Variants in COL11A2 observed in about 807,000 individuals in gnomAD.
The protein encoded by COL11A2 is collagen type XI alpha 2 chain, also known as collagen alpha-2(XI) chain.
Under a neutral mutation model 273.4 loss-of-function variants are expected in COL11A2, and 116 were observed. The ratio of observed to expected loss-of-function variants is 0.42; its 90% CI spans 0.36 to 0.49. The LOEUF (loss-of-function observed/expected upper bound fraction) is 0.49. COL11A2 is among the 20% of genes least tolerant of loss of function. The pLI, the probability that COL11A2 is intolerant of heterozygous loss-of-function variation, is 0.00. For missense variants in COL11A2, 1,866 were observed against 2,309.0 expected, an observed-to-expected ratio of 0.81 and a Z score of 3.93; for synonymous variants, 782 against 864.2, an observed-to-expected ratio of 0.90 and a Z score of 1.67.
In COL11A2 at chr6:33,189,241, A is replaced by G. The variant is rs1772801804; in HGVS notation, c.233-53T>C. On this transcript the variant is annotated intron_variant, in intron 2 of 65. Transcript: ENST00000341947. The surrounding 1 kb of genome is among the most constrained non-coding windows in gnomAD (Gnocchi z 5.6). ...GTGAGAGGCAAAGGGAGCCGCCACAACCCCTTTCCTCCTGGTGTCTGATCC... is the reference window on the plus strand; with the variant it reads ...GTGAGAGGCAAAGGGAGCCGCCACAGCCCCTTTCCTCCTGGTGTCTGATCC... 1 of 1,612,306 alleles carries G rather than the reference A, an allele frequency of 6.2e-7. No individual in the cohort carries two copies. The highest frequency in any genetic ancestry group is 1.1e-5 in the South Asian group (1 of 90,960).
In COL11A2 at chr6:33,173,375, C is replaced by T. The variant is rs779878105; in HGVS notation, c.2709G>A (p.Pro903=). 151 of 1,612,764 alleles carry T rather than the reference C, an allele frequency of 9.4e-5. No homozygotes were observed. The highest frequency in any genetic ancestry group is 1.6e-4 in the Middle Eastern group (1 of 6,084). ...PPGPPGKDGL[P]GHPGQRGEVG... The stretch of plus-strand genomic sequence containing the variant: ...CTTCTCCTCTTTGGCCTGGGTGTCC[C>T]GGCAGCCCATCCTTCCCAGGGGGGC... Residue 903 remains proline (P), a synonymous_variant, in exon 37 of 66, where the codon CCG becomes CCA. Transcript: ENST00000341947. The surrounding 1 kb of genome is among the most constrained non-coding windows in gnomAD (Gnocchi z 6.3).
chr6:33,171,159 AG>A lies in COL11A2; in HGVS notation c.3320del (p.Pro1107LeufsTer238). 1 of 1,604,806 alleles carries A rather than the reference AG, an allele frequency of 6.2e-7. No individual in the cohort carries two copies. Among genetic ancestry groups the A allele is most frequent in the Non-Finnish European group, 8.5e-7 (1 of 1,174,948 alleles). ...CAGGACCAATGGGTCCAGGGGGTCCAGGAGGGCCCTGGGTAAGAGAAGAGAG... is the reference window on the plus strand; with the variant it reads ...CAGGACCAATGGGTCCAGGGGGTCCAGAGGGCCCTGGGTAAGAGAAGAGAG... ...TKGNKGEHGP[P>X]GPPGPIGPVG... On this transcript the variant is annotated frameshift_variant, in exon 45 of 66. Transcript: ENST00000341947. LOFTEE classifies it high-confidence loss of function.
chr6:33,180,050 G>T (rs1393214245), intron 12 of COL11A2, among the ~76,000 whole-genome samples: 1 of 152,148 alleles, frequency 6.6e-6, no homozygotes, highest in Non-Finnish European at 1.5e-5. Context: ...AGGCTGTTCT[G>T]CCCAGTCCTA....
Position 33,165,828 on chromosome 6 carries a change from G to A in COL11A2, c.4483-12C>T. On this transcript the variant is annotated splice_polypyrimidine_tract_variant and intron_variant, in intron 62 of 65. Coordinates refer to ENST00000341947, the MANE Select transcript of COL11A2 (RefSeq NM_080680.3). This position sits in a 1 kb window ranked among gnomAD's most constrained non-coding sequence, Gnocchi z 7.7. ...TCGCCTGGGGGACCCTGGGTGCAGGGACAGATGGAGAGGGCAAGAGACAAG... is the reference window on the plus strand; with the variant it reads ...TCGCCTGGGGGACCCTGGGTGCAGGAACAGATGGAGAGGGCAAGAGACAAG... The A allele has an allele frequency of 6.2e-7, 1 of 1,613,618 alleles. No homozygotes were observed.
In COL11A2 at chr6:33,174,538, G is replaced by C; in HGVS notation, c.2419C>G (p.Gln807Glu). Residue 807 changes from glutamine (Q) to glutamate (E), a missense_variant, in exon 31 of 66, where the codon CAG becomes GAG. Gln to Glu is a conservative substitution (Grantham distance 29). Coordinates refer to ENST00000341947, the MANE Select transcript of COL11A2 (RefSeq NM_080680.3). ...VPGLPGYPGR[Q>E]GPKGSLGFPG... is the part of the protein sequence containing the mutation. ...GGGCATGGCATCACCTTGGGTCCCTGACGTCCAGGATAGCCAGGCAGACCA... is the reference window on the plus strand; with the variant it reads ...GGGCATGGCATCACCTTGGGTCCCTCACGTCCAGGATAGCCAGGCAGACCA... 6.2e-7 allele frequency: 1 copy of C among 1,612,680 alleles called. No individual in the cohort carries two copies. The highest frequency in any genetic ancestry group is 8.5e-7 in the Non-Finnish European group (1 of 1,179,936).
chr6:33,165,571 C>T lies in COL11A2; in HGVS notation c.4728G>A (p.Leu1576=). 1 of 1,613,478 alleles carries T rather than the reference C, an allele frequency of 6.2e-7. No individual in the cohort carries two copies. Among genetic ancestry groups the T allele is most frequent in the Non-Finnish European group, 8.5e-7 (1 of 1,180,014 alleles). Residue 1576 remains leucine, a synonymous_variant, in exon 63 of 66, where the codon CTG becomes CTA. Transcript: ENST00000341947. This position sits in a 1 kb window ranked among gnomAD's most constrained non-coding sequence, Gnocchi z 7.7. The part of the protein sequence containing the change: ...SPARTCQDLK[L]CHPELPDGEY... ...GACCATCGGGAAGCTCTGGGTGGCA[C>T]AGCTTCAGGTCCTGGCAGGTGCGAG...
Position 33,173,371 on chromosome 6 carries a change from G to A in COL11A2, c.2713C>T (p.His905Tyr), listed in dbSNP as rs1452357044. 1.2e-6 allele frequency: 2 copies of A among 1,612,808 alleles called. No homozygotes were observed. The highest frequency in any genetic ancestry group is 3.3e-5 in the Admixed American group (2 of 60,012). ...GPPGKDGLPG[H>Y]PGQRGEVGFQ... is the part of the protein sequence containing the mutation. ...ACCACTTCTCCTCTTTGGCCTGGGT[G>A]TCCCGGCAGCCCATCCTTCCCAGGG... The change falls in exon 37 of 66, where the codon CAC becomes TAC. Residue 905 changes from histidine to tyrosine, a missense_variant. By Grantham distance (83) the His-to-Tyr change is moderately conservative. Transcript: ENST00000341947. This position sits in a 1 kb window ranked among gnomAD's most constrained non-coding sequence, Gnocchi z 6.3.
chr6:33,163,871 C>T lies in COL11A2; in HGVS notation c.5071-53G>A. On this transcript the variant is annotated intron_variant, in intron 65 of 65. Coordinates refer to ENST00000341947, the MANE Select transcript of COL11A2 (RefSeq NM_080680.3). The surrounding 1 kb of genome is among the most constrained non-coding windows in gnomAD (Gnocchi z 4.1). Reference sequence around the variant, plus strand: ...TGAGCAGGATGGAGGCACCCCCCACCCTCTAACCTCAGGCCCAGGCTCACC... The same window carrying T: ...TGAGCAGGATGGAGGCACCCCCCACTCTCTAACCTCAGGCCCAGGCTCACC... The T allele has an allele frequency of 1.2e-6, 2 of 1,612,588 alleles. No individual in the cohort carries two copies. The highest frequency in any genetic ancestry group is 1.7e-6 in the Non-Finnish European group (2 of 1,179,726).
Position 33,164,890 on chromosome 6 carries a change from C to A in COL11A2, c.4825G>T (p.Gly1609Cys). 2 of 1,574,106 alleles carry A rather than the reference C, an allele frequency of 1.3e-6. No individual in the cohort carries two copies. The highest frequency in any genetic ancestry group is 1.7e-6 in the Non-Finnish European group (2 of 1,158,464). ...FRVFCNFTAG[G>C]ETCVTPRDDV... ...TCCCTAGGCGTCACACAGGTCTCAC[C>A]CCCTGCTGTGAAGTTGCAGAAAACT... Residue 1609 changes from glycine to cysteine, a missense_variant, in exon 64 of 66, where the codon GGT becomes TGT. Gly to Cys is a radical substitution (Grantham distance 159). Coordinates refer to ENST00000341947, the MANE Select transcript of COL11A2 (RefSeq NM_080680.3). The surrounding 1 kb of genome is among the most constrained non-coding windows in gnomAD (Gnocchi z 4.7).
At position 33,170,624 on chromosome 6, in the gene COL11A2, C is replaced by G. The variant is rs762430047; in HGVS notation, c.3475-14G>C. On this transcript the variant is annotated splice_polypyrimidine_tract_variant and intron_variant, in intron 46 of 65. Coordinates refer to ENST00000341947, the MANE Select transcript of COL11A2 (RefSeq NM_080680.3). The surrounding 1 kb of genome is among the most constrained non-coding windows in gnomAD (Gnocchi z 4.3). ...GCCTGGCAAACCCTGTGCAAGTATA[C>G]AAAACATGGGCCCAGGTGACGACCC... The G allele has an allele frequency of 6.2e-7, 1 of 1,612,562 alleles. No individual in the cohort carries two copies. The highest frequency in any genetic ancestry group is 8.5e-7 in the Non-Finnish European group (1 of 1,179,778).
intron 8 of COL11A2, among the ~76,000 whole-genome samples, chr6:33,182,103 C>T (rs909984758): frequency 6.6e-6 from 1 of 151,772 alleles, no homozygotes; most frequent in East Asian, 2.0e-4. Flanking sequence ...GGTGCAACCC[C>T]GTCTCTAATA....
Position 33,174,579 on chromosome 6 carries a change from C to T in COL11A2, c.2378G>A (p.Gly793Asp), listed in dbSNP as rs1387254205. The change falls in exon 31 of 66, where the codon GGC (glycine) becomes GAC (aspartate). Residue 793 changes from glycine (G) to aspartate (D), a missense_variant and splice_region_variant. Physicochemically the swap from Gly to Asp is moderately conservative, Grantham distance 94. Coordinates refer to ENST00000341947, the MANE Select transcript of COL11A2 (RefSeq NM_080680.3). ...AGGCAGACCAGGAACACCCAGCTTG[C>T]CCTGTGGAGGGACAGGAAGCAGTTA... ...PGPPGLMGEK[G>D]KLGVPGLPGY... 6.2e-7 allele frequency: 1 copy of T among 1,612,128 alleles called. No individual in the cohort carries two copies. The highest frequency in any genetic ancestry group is 1.7e-5 in the Admixed American group (1 of 59,968).
intron 4 of COL11A2, among the ~76,000 whole-genome samples, chr6:33,187,575 G>A (rs548829100): frequency 6.6e-6 from 1 of 152,186 alleles, no homozygotes; most frequent in South Asian, 2.1e-4. Flanking sequence ...TAATGAATGG[G>A]AGCATTGATA....
Position 33,177,647 on chromosome 6 carries a change from C to T in COL11A2, c.1917+15G>A. 6.2e-7 allele frequency: 1 copy of T among 1,612,894 alleles called. No homozygotes were observed. Among genetic ancestry groups the T allele is most frequent in the Non-Finnish European group, 8.5e-7 (1 of 1,179,924 alleles). On this transcript the variant is annotated intron_variant, in intron 22 of 65. Coordinates refer to ENST00000341947, the MANE Select transcript of COL11A2 (RefSeq NM_080680.3). The surrounding 1 kb of genome is among the most constrained non-coding windows in gnomAD (Gnocchi z 5.9). ...GGGATAAGAATGGGGGTGGGATCTC[C>T]TATCCATCACTCACCAAGCTCCCTT...
intron 40 of COL11A2, 35 bp downstream of exon 40, chr6:33,172,254 C>A: frequency 6.3e-7 from 1 of 1,584,910 alleles, no homozygotes. Context: ...ATGCTTGGTG[C>A]TTGTGACAGG....
intron 39 of COL11A2, 31 bp downstream of exon 39, chr6:33,172,499 C>A (rs762623474): frequency 5.0e-6 from 8 of 1,601,358 alleles, no homozygotes; most frequent in South Asian, 1.1e-5. Context: ...CCCAGCTCCC[C>A]CACTTCCCCT....
chr6:33,180,463 C>A (rs748578677), intron 11 of COL11A2, 131 bp from the exon 12 acceptor site: 7 of 955,238 alleles, frequency 7.3e-6, no homozygotes, highest in African/African-American at 1.6e-5. Flanking sequence ...GTCTCCCACC[C>A]CCATGGGGAA....
Position 33,163,993 on chromosome 6 carries a change from G to A in COL11A2, c.5071-175C>T, listed in dbSNP as rs546520545. Among the ~76,000 whole-genome samples the A allele has an allele frequency of 5.3e-5, 8 of 152,278 alleles. No homozygotes were observed. The highest frequency in any genetic ancestry group is 2.1e-4 in the South Asian group (1 of 4,820). ...CGTGTGTGTTTGCTTCTCCCCCACC[G>A]TGTGCCTCTGCTGGGCAGCCATGTG... On this transcript the variant is annotated intron_variant, in intron 65 of 65. Coordinates refer to ENST00000341947, the MANE Select transcript of COL11A2 (RefSeq NM_080680.3). This position sits in a 1 kb window ranked among gnomAD's most constrained non-coding sequence, Gnocchi z 4.1.
At position 33,181,180 on chromosome 6, in the gene COL11A2, A is replaced by G. The variant is rs773140106; in HGVS notation, c.1120-10T>C. On this transcript the variant is annotated splice_polypyrimidine_tract_variant and intron_variant, in intron 8 of 65. Coordinates refer to ENST00000341947, the MANE Select transcript of COL11A2 (RefSeq NM_080680.3). ...GGGGTCCATGGGCAGCCTGAAGGAGACACACATGTAGCCCCCAGTGGGGCC... is the reference window on the plus strand; with the variant it reads ...GGGGTCCATGGGCAGCCTGAAGGAGGCACACATGTAGCCCCCAGTGGGGCC... 1.2e-6 allele frequency: 2 copies of G among 1,613,876 alleles called. No individual in the cohort carries two copies. The highest frequency in any genetic ancestry group is 1.7e-6 in the Non-Finnish European group (2 of 1,179,996).
Sources: gnomAD v4.1 joint callset for allele counts (sites outside exome capture counted in the v4.1 genomes callset) on GRCh38, gnomAD v4.1.1 for gene constraint, Gnocchi (gnomAD v3.1) non-coding constraint, MANE v1.5 for transcripts, NCBI Gene and HGNC (gene_info 2026-07-23, HGNC 2026-07-21) for gene names.